Variants in SHLD1 observed in about 807,000 individuals in gnomAD.
The protein encoded by SHLD1 is RINN1-REV7-interacting novel NHEJ regulator 3.
Under a neutral mutation model 5.5 loss-of-function variants are expected in SHLD1, and 3 were observed. The ratio of observed to expected loss-of-function variants is 0.54; its 90% CI spans 0.25 to 1.40. SHLD1 has a LOEUF of 1.40. Among genes scored for constraint, SHLD1 ranks in the 40% most tolerant of loss-of-function variants. The pLI is 0.15. For synonymous variants in SHLD1, 92 were observed against 94.3 expected (o/e 0.98, Z 0.14); for missense variants, 210 against 244.4 (o/e 0.86, Z 0.94).
rs758092845 is a variant in SHLD1 at position 5,863,065 on chromosome 20, G to T, written c.220G>T (p.Ala74Ser). ...TATAGAACAAAATAACTCCTGGACC[G>T]CTGAGAACTTCTGGCTTGACCCTGC... Reference protein sequence around the residue: ...LNIEQNNSWTAENFWLDPAVK... With the variant: ...LNIEQNNSWTSENFWLDPAVK... The change falls in exon 3 of 3, where the codon GCT becomes TCT. Residue 74 changes from alanine to serine, a missense_variant. Transcript: ENST00000303142. The T allele has an allele frequency of 6.2e-7, 1 of 1,613,514 alleles. No individual in the cohort carries two copies. The highest frequency in any genetic ancestry group is 8.5e-7 in the Non-Finnish European group (1 of 1,179,756).
chr20:5,819,983 G>T (rs146048084), intron 2 of SHLD1, among the ~76,000 whole-genome samples: 1 of 151,994 alleles, frequency 6.6e-6, no homozygotes, highest in East Asian at 1.9e-4. Context: ...TTGCTCTGTC[G>T]CCCAGACAGG....
intron 2 of SHLD1, among the ~76,000 whole-genome samples, chr20:5,775,577 G>A (rs1366061879): frequency 1.3e-5 from 2 of 151,920 alleles, no homozygotes; most frequent in Admixed American, 6.6e-5. Context: ...TGCCAAAAAG[G>A]TTGTTTGGGG....
intron 2 of SHLD1, among the ~76,000 whole-genome samples, chr20:5,784,667 G>A (rs1307106392): frequency 2.0e-5 from 3 of 151,826 alleles, no homozygotes; most frequent in East Asian, 1.9e-4. Flanking sequence ...AGCCAGGTTG[G>A]TCTCGATCGC....
intron 2 of SHLD1, among the ~76,000 whole-genome samples, chr20:5,805,930 C>T (rs972579999): frequency 1.3e-4 from 20 of 152,092 alleles, no homozygotes; most frequent in African/African-American, 3.4e-4. Flanking sequence ...GCAGGAGTGA[C>T]GGCTGGGTCT....
At chr20:5,757,971 T>A (rs1305779932) in intron 1 of SHLD1, among the ~76,000 whole-genome samples, 1 of 152,180 alleles carries the variant, frequency 6.6e-6, no homozygotes, top group Non-Finnish European at 1.5e-5. Context: ...TAGAGTATGA[T>A]CCTCTTATAT....
chr20:5,821,320 C>T (rs189983798), intron 2 of SHLD1, among the ~76,000 whole-genome samples: 89 of 152,236 alleles, frequency 5.8e-4, no homozygotes, highest in East Asian at 1.5e-3. Flanking sequence ...CGAGACCAGA[C>T]TGGCCAACAT....
chr20:5,852,390 C>T (rs2088021982), intron 2 of SHLD1, among the ~76,000 whole-genome samples: 1 of 151,700 alleles, frequency 6.6e-6, no homozygotes, highest in African/African-American at 2.4e-5. Context: ...CTCAAATCAC[C>T]TTCCTTTCCT....
At chr20:5,759,987 T>TAC (rs1470223248) in intron 1 of SHLD1, among the ~76,000 whole-genome samples, 1 of 89,706 alleles carries the variant, frequency 1.1e-5, no homozygotes, top group African/African-American at 4.3e-5. Context: ...TCTGTATTTT[T>TAC]ATACACACAC....
At chr20:5,851,663 C>T (rs1268338356) in intron 2 of SHLD1, among the ~76,000 whole-genome samples, 2 of 151,662 alleles carry the variant, frequency 1.3e-5, no homozygotes, top group African/African-American at 4.8e-5. Context: ...TATGTTTTAT[C>T]TAACTCAATA....
At chr20:5,810,978 A>G (rs1031090350) in intron 2 of SHLD1, among the ~76,000 whole-genome samples, 1 of 152,248 alleles carries the variant, frequency 6.6e-6, no homozygotes, top group Non-Finnish European at 1.5e-5. Flanking sequence ...TGATCATCCA[A>G]TGCTGAGAAG....
At chr20:5,778,370 G>T (rs62203877) in intron 2 of SHLD1, among the ~76,000 whole-genome samples, 101 of 149,338 alleles carry the variant, frequency 6.8e-4, no homozygotes, top group African/African-American at 2.4e-3. Context: ...CTTGTGATCC[G>T]CTTGAGAGGA....
intron 1 of SHLD1, among the ~76,000 whole-genome samples, chr20:5,761,109 A>T (rs1984439294): frequency 6.6e-6 from 1 of 152,240 alleles, no homozygotes; most frequent in Non-Finnish European, 1.5e-5. Context: ...CTTTGCAGGG[A>T]CATGGATGAA....
Position 5,855,229 on chromosome 20 carries a change from C to G in SHLD1, c.179-7795C>G, listed in dbSNP as rs1016705043. Among the ~76,000 whole-genome samples, 2 of 152,006 alleles carry G rather than the reference C, an allele frequency of 1.3e-5. No individual in the cohort carries two copies. The highest frequency in any genetic ancestry group is 4.8e-5 in the African/African-American group (2 of 41,398). ...GGTACCTCATCTAAGTGGAATCATACAGTATTTTTCCTATTGTGGCTGGCT... is the reference window on the plus strand; with the variant it reads ...GGTACCTCATCTAAGTGGAATCATAGAGTATTTTTCCTATTGTGGCTGGCT... On this transcript the variant is annotated intron_variant, in intron 2 of 2. Coordinates refer to ENST00000303142, the MANE Select transcript of SHLD1 (RefSeq NM_152504.4). The surrounding 1 kb of genome is among the most constrained non-coding windows in gnomAD (Gnocchi z 4.4).
intron 2 of SHLD1, among the ~76,000 whole-genome samples, chr20:5,803,935 A>T (rs1319609200): frequency 6.6e-6 from 1 of 151,178 alleles, no homozygotes; most frequent in Non-Finnish European, 1.5e-5. Flanking sequence ...GGTGGTGTGG[A>T]CTTGCTATTT....
At chr20:5,783,155 T>G (rs1180506452) in intron 2 of SHLD1, among the ~76,000 whole-genome samples, 1 of 152,184 alleles carries the variant, frequency 6.6e-6, no homozygotes, top group African/African-American at 2.4e-5. Flanking sequence ...GGGCTTTATT[T>G]GGAAGGTTTG....
intron 2 of SHLD1, among the ~76,000 whole-genome samples, chr20:5,783,951 A>G (rs544585715): frequency 5.5e-4 from 83 of 152,250 alleles, no homozygotes; most frequent in African/African-American, 1.9e-3. Context: ...CAGGAGTTTG[A>G]GACCAGCCTG....
chr20:5,785,337 C>T (rs1446913568), intron 2 of SHLD1, among the ~76,000 whole-genome samples: 1 of 152,160 alleles, frequency 6.6e-6, no homozygotes, highest in Non-Finnish European at 1.5e-5. Flanking sequence ...CTATTATGAT[C>T]TCCTTGTTAC....
intron 2 of SHLD1, among the ~76,000 whole-genome samples, chr20:5,842,475 TG>T (rs1471649542): frequency 1.3e-5 from 2 of 152,264 alleles, no homozygotes; most frequent in Non-Finnish European, 2.9e-5. Context: ...TTGAAGGTCT[TG>T]TTTCATTGCC....
intron 2 of SHLD1, among the ~76,000 whole-genome samples, chr20:5,824,914 C>A (rs1251403550): frequency 6.6e-6 from 1 of 152,134 alleles, no homozygotes; most frequent in Non-Finnish European, 1.5e-5. Flanking sequence ...TCGAAGCTTC[C>A]TTTTCAAAAC....
Sources: gnomAD v4.1 joint callset for allele counts (sites outside exome capture counted in the v4.1 genomes callset) on GRCh38, gnomAD v4.1.1 for gene constraint, Gnocchi (gnomAD v3.1) non-coding constraint, MANE v1.5 for transcripts, NCBI Gene and HGNC (gene_info 2026-07-23, HGNC 2026-07-21) for gene names.